Variants in DCAF16 observed in about 807,000 individuals in gnomAD.
The protein encoded by DCAF16 is DDB1 and CUL4 associated factor 16.
DCAF16 carries 10 observed loss-of-function variants against 17.3 expected under a neutral mutation model. The observed-to-expected ratio is 0.58, with a 90% CI of 0.36 to 0.98. The LOEUF is 0.98. Ranked by LOEUF, DCAF16 falls within the 50% of genes least tolerant of loss-of-function variation. The probability of loss-of-function intolerance (pLI) is 0.01; values close to 1 mark genes in which losing one functional copy is unlikely to be tolerated. For missense variants in DCAF16, 249 were observed against 247.6 expected, an observed-to-expected ratio of 1.01 and a Z score of -0.04; for synonymous variants, 111 against 92.8, an observed-to-expected ratio of 1.20 and a Z score of -1.12.
chr4:17,794,869 C>T, the DCAF16 span, among the ~76,000 whole-genome samples: 33 of 152,296 alleles, frequency 2.2e-4, no homozygotes, highest in African/African-American at 7.0e-4. Context: ...TTCCATTGTA[C>T]TCAAATACTT....
rs1719953363 is a variant in DCAF16 at position 17,803,153 on chromosome 4, T to C, written c.*338A>G. On this transcript the variant is annotated 3_prime_UTR_variant, in exon 3 of 3. Transcript: ENST00000382247. ...GATTCTCCTGTTTCAGCCTCCCGAG[T>C]AGCAGGGATTACAGGCGTGCACTGC... The C allele has an allele frequency of 1.8e-5, 4 of 220,366 alleles. No individual in the cohort carries two copies. In the South Asian group the frequency reaches 2.9e-4, roughly 16 times the overall value. 13.7% of individuals were successfully genotyped at this position (220,366 alleles called of 1,614,324 possible).
downstream of DCAF16, among the ~76,000 whole-genome samples, chr4:17,795,725 C>T (rs1272524070): frequency 1.3e-5 from 2 of 152,150 alleles, no homozygotes; most frequent in Admixed American, 1.3e-4. Context: ...CTGAGAATAT[C>T]ACAGCTTCTT....
chr4:17,804,063 C>T lies in DCAF16; in HGVS notation c.79G>A (p.Glu27Lys). ...GAATCCCACTCTTCCCCAGAACTCT[C>T]ATTTAGGTAACTAATATTTTCTTCT... Reference protein sequence around the residue: ...EEEENISYLNESSGEEWDSSE... With the variant: ...EEEENISYLNKSSGEEWDSSE... The change falls in exon 3 of 3, where the codon GAG (glutamate) becomes AAG (lysine). Residue 27 changes from glutamate to lysine, a missense_variant. Physicochemically the swap from Glu to Lys is moderately conservative, Grantham distance 56. Transcript: ENST00000382247. 1 of 1,614,162 alleles carries T rather than the reference C, an allele frequency of 6.2e-7. No homozygotes were observed. Among genetic ancestry groups the T allele is most frequent in the South Asian group, 1.1e-5 (1 of 91,078 alleles).
At position 17,804,397 on chromosome 4, in the gene DCAF16, C is replaced by A; in HGVS notation, c.-256G>T. 1 of 488,858 alleles carries A rather than the reference C, an allele frequency of 2.0e-6. No individual in the cohort carries two copies. The highest frequency in any genetic ancestry group is 3.8e-6 in the Non-Finnish European group (1 of 263,388). 30.3% of individuals were successfully genotyped at this position (488,858 alleles called of 1,614,324 possible). ...CAGTTCAGTGTGTAAAAGTATTAGTCACTTACCACTGGCACAGGTCAGAGT... is the reference window on the plus strand; with the variant it reads ...CAGTTCAGTGTGTAAAAGTATTAGTAACTTACCACTGGCACAGGTCAGAGT... On this transcript the variant is annotated 5_prime_UTR_variant, in exon 3 of 3. Coordinates refer to ENST00000382247, the MANE Select transcript of DCAF16 (RefSeq NM_017741.4).
rs530663688 is a variant in DCAF16 at position 17,803,878 on chromosome 4, A to G, written c.264T>C (p.His88=). ...GTCTTAGACCTATCTCTCGAAGTAT[A>G]TGGACTGGTGTGCTTGGATCCAACA... The part of the protein sequence containing the change: ...AKLLDPSTPV[H]ILREIGLRLS... The change falls in exon 3 of 3, where the codon CAT becomes CAC. Residue 88 remains histidine (H), a synonymous_variant. Coordinates refer to ENST00000382247, the MANE Select transcript of DCAF16 (RefSeq NM_017741.4). 1.2e-6 allele frequency: 2 copies of G among 1,614,206 alleles called. No individual in the cohort carries two copies. The highest frequency in any genetic ancestry group is 1.1e-5 in the South Asian group (1 of 91,080).
At chr4:17,808,911 C>T (rs1485164058) in intron 1 of DCAF16, among the ~76,000 whole-genome samples, 4 of 152,134 alleles carry the variant, frequency 2.6e-5, no homozygotes, top group Non-Finnish European at 5.9e-5. Context: ...ATGCCTGTAA[C>T]CCAGCTACTT....
chr4:17,794,405 T>C, the DCAF16 span, among the ~76,000 whole-genome samples: 1 of 152,180 alleles, frequency 6.6e-6, no homozygotes, highest in African/African-American at 2.4e-5. Context: ...TGTGAAATTC[T>C]CCATTTGTGC....
rs1217808331 is a variant in DCAF16 at position 17,801,802 on chromosome 4, G to C, written c.*1689C>G. On this transcript the variant is annotated 3_prime_UTR_variant, in exon 3 of 3. Coordinates refer to ENST00000382247, the MANE Select transcript of DCAF16 (RefSeq NM_017741.4). ...AAACTCTTAACTTCAGATTGTATTA[G>C]GCTGAGATTTTCTAATAACAAGGTT... 1 of 152,072 alleles carries C rather than the reference G, an allele frequency of 6.6e-6. No homozygotes were observed. The highest frequency in any genetic ancestry group is 1.5e-5 in the Non-Finnish European group (1 of 68,020). 9.4% of individuals were successfully genotyped at this position (152,072 alleles called of 1,614,324 possible).
intron 2 of DCAF16, 27 bp downstream of exon 2, chr4:17,805,080 A>G (rs1186593798): frequency 2.7e-5 from 4 of 146,124 alleles, no homozygotes; most frequent in African/African-American, 5.3e-5. Context: ...AGAGAGCTAT[A>G]AAAGTTTTTT....
Position 17,804,354 on chromosome 4 carries a change from C to A in DCAF16, c.-213G>T. 1 of 577,236 alleles carries A rather than the reference C, an allele frequency of 1.7e-6. No individual in the cohort carries two copies. Among genetic ancestry groups the A allele is most frequent in the Non-Finnish European group, 3.2e-6 (1 of 317,168 alleles). The allele number at this position is 577,236 out of a possible 1,614,324, so 35.8% of individuals were successfully genotyped here. On this transcript the variant is annotated 5_prime_UTR_variant, in exon 3 of 3. It removes an upstream start codon present in the reference 5' UTR. Transcript: ENST00000382247. ...GTATATTCTTCACTTACAAAGAAGA[C>A]ATCTCAGTTTCCAGGACCAGTTCAG...
intron 1 of DCAF16, among the ~76,000 whole-genome samples, chr4:17,807,908 A>C (rs1454210039): frequency 6.6e-6 from 1 of 151,950 alleles, no homozygotes. Flanking sequence ...ATTTTCCTCT[A>C]ATGAGTATTT....
At chr4:17,808,180 G>A (rs947118440) in intron 1 of DCAF16, among the ~76,000 whole-genome samples, 1 of 152,174 alleles carries the variant, frequency 6.6e-6, no homozygotes, top group Non-Finnish European at 1.5e-5. Context: ...ATAACTTTAA[G>A]AAGAAACAAT....
chr4:17,794,789 A>T, the DCAF16 span, among the ~76,000 whole-genome samples: 17 of 152,318 alleles, frequency 1.1e-4, no homozygotes, highest in Admixed American at 1.3e-4. Context: ...TCAAATTTTT[A>T]AAAAACTGAT....
downstream of DCAF16, among the ~76,000 whole-genome samples, chr4:17,800,014 G>C (rs910667275): frequency 6.6e-6 from 1 of 152,008 alleles, no homozygotes; most frequent in African/African-American, 2.4e-5. Flanking sequence ...GGGCGTGGTG[G>C]CACATGCCTG....
chr4:17,807,908 A>T (rs1454210039), intron 1 of DCAF16, among the ~76,000 whole-genome samples: 2 of 151,950 alleles, frequency 1.3e-5, no homozygotes, highest in African/African-American at 4.8e-5. Context: ...ATTTTCCTCT[A>T]ATGAGTATTT....
downstream of DCAF16, among the ~76,000 whole-genome samples, chr4:17,795,862 T>C (rs939595565): frequency 9.2e-5 from 14 of 152,228 alleles, no homozygotes; most frequent in Admixed American, 7.9e-4. Context: ...TCAGTTTCAC[T>C]GTAACAAATA....
At chr4:17,807,619 T>C (rs1330428866) in intron 1 of DCAF16, among the ~76,000 whole-genome samples, 1 of 152,228 alleles carries the variant, frequency 6.6e-6, no homozygotes, top group Non-Finnish European at 1.5e-5. Context: ...TATGAAGATA[T>C]ACCCTGAAGC....
rs944081833 is a variant in DCAF16 at position 17,804,414 on chromosome 4, G to A, written c.-273C>T. 2.5e-5 allele frequency: 11 copies of A among 436,916 alleles called. No homozygotes were observed. The highest frequency in any genetic ancestry group is 1.6e-4 in the Admixed American group (4 of 24,564). The allele number at this position is 436,916 out of a possible 1,614,324, so 27.1% of individuals were successfully genotyped here. On this transcript the variant is annotated 5_prime_UTR_variant, in exon 3 of 3. Coordinates refer to ENST00000382247, the MANE Select transcript of DCAF16 (RefSeq NM_017741.4). ...GTATTAGTCACTTACCACTGGCACA[G>A]GTCAGAGTATCTCCTTCAAATCCTG...
downstream of DCAF16, among the ~76,000 whole-genome samples, chr4:17,795,727 C>T (rs1719398604): frequency 1.3e-5 from 2 of 152,184 alleles, no homozygotes; most frequent in Non-Finnish European, 2.9e-5. Flanking sequence ...GAGAATATCA[C>T]AGCTTCTTTA....
Sources: allele counts gnomAD v4.1 joint callset (sites outside exome capture counted in the v4.1 genomes callset), GRCh38; gene constraint gnomAD v4.1.1; transcripts MANE v1.5; gene names NCBI Gene and HGNC (gene_info 2026-07-23, HGNC 2026-07-21).